ROR2: variants seen among roughly 807,000 people sequenced by gnomAD.
The protein encoded by ROR2 is ROR family WNT receptor 2.
A neutral mutation model predicts 74.9 loss-of-function variants in ROR2; 33 were observed. The observed-to-expected ratio is 0.44, with a 90% confidence interval of 0.33 to 0.59. ROR2 has a LOEUF of 0.59. Among genes scored for constraint, ROR2 ranks in the 20% least tolerant of loss-of-function variants. The probability of loss-of-function intolerance (pLI) is 0.02; values close to 1 mark genes in which losing one functional copy is unlikely to be tolerated. For synonymous variants in ROR2, 586 were observed against 558.7 expected (o/e 1.05, Z -0.69); for missense variants, 1,216 against 1,313.8 (o/e 0.93, Z 1.15).
intron 1 of ROR2, among the ~76,000 whole-genome samples, chr9:91,845,095 C>T (rs1828887868): frequency 1.3e-5 from 2 of 152,290 alleles, no homozygotes; most frequent in South Asian, 4.2e-4. Context: ...CTGCCCTCCC[C>T]ACCCTACGCC....
chr9:91,904,949 C>A lies in ROR2; in HGVS notation c.97+44918G>T, dbSNP rs182094584. On this transcript the variant is annotated intron_variant, in intron 1 of 8. Coordinates refer to ENST00000375708, the MANE Select transcript of ROR2 (RefSeq NM_004560.4). ...ACACACACAGCACATACACCACACA[C>A]AAGACATACACAAATGTCACATGCC... Among the ~76,000 whole-genome samples, 9 of 151,926 alleles carry A rather than the reference C, an allele frequency of 5.9e-5. No homozygotes were observed. In the East Asian group the frequency reaches 9.7e-4, roughly 16 times the overall value.
intron 1 of ROR2, among the ~76,000 whole-genome samples, chr9:91,885,868 CTTTT>C (rs542499117): frequency 3.1e-4 from 34 of 108,154 alleles, no homozygotes; most frequent in Middle Eastern, 4.8e-3. Context: ...GTATGGTTTC[CTTTT>C]TTTTTTTTTT....
At chr9:91,746,754 T>C (rs1825433343) in intron 4 of ROR2, among the ~76,000 whole-genome samples, 1 of 152,134 alleles carries the variant, frequency 6.6e-6, no homozygotes, top group Admixed American at 6.5e-5. Context: ...CTTGTTCCCA[T>C]AAGAAAATAA....
rs568344594 is a variant in ROR2, at chr9:91,907,502, T to G, written c.97+42365A>C. 1.9e-3 allele frequency among the ~76,000 whole-genome samples: 293 copies of G among 152,340 alleles called. 1 individual carries two copies. The highest frequency in any genetic ancestry group is 2.6e-3 in the Non-Finnish European group (176 of 68,034). On this transcript the variant is annotated intron_variant, in intron 1 of 8. Coordinates refer to ENST00000375708, the MANE Select transcript of ROR2 (RefSeq NM_004560.4). ...AACCCTAAGTTTCTTTCGTTATCACTGAAGTGGGATTCTGCACAGTGAAAA... is the reference window on the plus strand; with the variant it reads ...AACCCTAAGTTTCTTTCGTTATCACGGAAGTGGGATTCTGCACAGTGAAAA...
chr9:91,881,921 C>T (rs754014538), intron 1 of ROR2, among the ~76,000 whole-genome samples: 7 of 152,152 alleles, frequency 4.6e-5, no homozygotes, highest in Admixed American at 6.5e-5. Context: ...GGAGGGCAGG[C>T]GAGGCCCTCA....
chr9:91,888,872 G>C (rs1456283647), intron 1 of ROR2, among the ~76,000 whole-genome samples: 1 of 152,036 alleles, frequency 6.6e-6, no homozygotes, highest in South Asian at 2.1e-4. Context: ...GCCCACTCTA[G>C]TGTGACAGGC....
chr9:91,866,754 C>T (rs926969261), intron 1 of ROR2, among the ~76,000 whole-genome samples: 1 of 152,118 alleles, frequency 6.6e-6, no homozygotes, highest in Non-Finnish European at 1.5e-5. Context: ...TCCCACATTT[C>T]AAGAGCTTAA....
intron 4 of ROR2, among the ~76,000 whole-genome samples, chr9:91,751,220 T>C (rs1393954488): frequency 6.6e-6 from 1 of 152,218 alleles, no homozygotes; most frequent in Non-Finnish European, 1.5e-5. Flanking sequence ...AGTCAATGCA[T>C]GATTCAAGTG....
At chr9:91,917,720 G>C (rs1476763628) in intron 1 of ROR2, among the ~76,000 whole-genome samples, 1 of 151,036 alleles carries the variant, frequency 6.6e-6, no homozygotes, top group Non-Finnish European at 1.5e-5. Context: ...AGATGCGTGG[G>C]TGCACACTGG....
intron 1 of ROR2, among the ~76,000 whole-genome samples, chr9:91,868,195 A>C (rs1221210765): frequency 3.3e-5 from 5 of 152,220 alleles, no homozygotes. Flanking sequence ...GAGAAAACTG[A>C]AAATTTTAGA....
chr9:91,775,037 C>T (rs900800440), intron 2 of ROR2, among the ~76,000 whole-genome samples: 4 of 152,192 alleles, frequency 2.6e-5, no homozygotes, highest in African/African-American at 9.7e-5. Flanking sequence ...CAGCTGCCTG[C>T]AAGCCAGGAG....
intron 1 of ROR2, among the ~76,000 whole-genome samples, chr9:91,778,303 TTGTG>T (rs1192911383): frequency 1.3e-5 from 2 of 152,234 alleles, no homozygotes; most frequent in East Asian, 3.8e-4. Context: ...CCGAATGACT[TTGTG>T]ACAACCTCAC....
At chr9:91,773,371 G>A (rs980119421) in intron 2 of ROR2, among the ~76,000 whole-genome samples, 36 of 152,004 alleles carry the variant, frequency 2.4e-4, no homozygotes, top group African/African-American at 8.0e-4. Flanking sequence ...CACAGCTGCC[G>A]TGTGATTTTT....
intron 1 of ROR2, among the ~76,000 whole-genome samples, chr9:91,890,248 G>A (rs1002345001): frequency 5.9e-5 from 9 of 152,146 alleles, no homozygotes; most frequent in Non-Finnish European, 1.0e-4. Flanking sequence ...CCTTGGGTAC[G>A]GACCCAGGCA....
intron 2 of ROR2, among the ~76,000 whole-genome samples, chr9:91,763,362 T>C (rs1273368004): frequency 6.6e-6 from 1 of 152,194 alleles, no homozygotes; most frequent in Non-Finnish European, 1.5e-5. Flanking sequence ...CACTTGGATG[T>C]GGTGTCATAG....
In ROR2 at chr9:91,949,983, G is replaced by A. The variant is rs1366475993; in HGVS notation, c.-20C>T. ...GGCCATGCCGCAGGCAGTGGGGGCC[G>A]GGAAGCCCTCAGAGCTTCGGGCCGG... On this transcript the variant is annotated 5_prime_UTR_variant, in exon 1 of 9. Coordinates refer to ENST00000375708, the MANE Select transcript of ROR2 (RefSeq NM_004560.4). 4 of 1,398,278 alleles carry A rather than the reference G, an allele frequency of 2.9e-6. No homozygotes were observed. Among genetic ancestry groups the A allele is most frequent in the Non-Finnish European group, 3.7e-6 (4 of 1,073,676 alleles). 86.6% of individuals were successfully genotyped at this position (1,398,278 alleles called of 1,614,324 possible). A position where few individuals can be genotyped will look rare whatever the true frequency, so the allele number is the denominator to read the frequency against.
At chr9:91,897,428 A>T (rs2119418543) in intron 1 of ROR2, among the ~76,000 whole-genome samples, 1 of 152,324 alleles carries the variant, frequency 6.6e-6, no homozygotes, top group Non-Finnish European at 1.5e-5. Context: ...TGGTTAGTAA[A>T]CGTTATAATA....
At chr9:91,757,149 T>G (rs921225377) in intron 3 of ROR2, 123 bp downstream of exon 3, 102 of 1,299,286 alleles carry the variant, frequency 7.9e-5, no homozygotes, top group Non-Finnish European at 1.1e-4. Context: ...TAGGGAACGG[T>G]TTCATTGCTC....
chr9:91,803,049 T>C (rs1019019352), intron 1 of ROR2, among the ~76,000 whole-genome samples: 1 of 151,882 alleles, frequency 6.6e-6, no homozygotes, highest in Non-Finnish European at 1.5e-5. Flanking sequence ...CAAGTTTTGG[T>C]GAGGAGGTGG....
Sources: allele counts gnomAD v4.1 joint callset (sites outside exome capture counted in the v4.1 genomes callset), GRCh38; gene constraint gnomAD v4.1.1; transcripts MANE v1.5; gene names NCBI Gene and HGNC (gene_info 2026-07-23, HGNC 2026-07-21).